Variants in NLRC4 observed in about 807,000 individuals in gnomAD.
NLRC4 encodes NLR family CARD domain containing 4.
A neutral mutation model predicts 79.9 loss-of-function variants in NLRC4; 63 were observed. The observed-to-expected ratio is 0.79, with a 90% CI of 0.64 to 0.97. The LOEUF is 0.97. NLRC4 is among the 50% of genes least tolerant of loss of function. The pLI is 0.00. For synonymous variants in NLRC4, 461 were observed against 456.5 expected (o/e 1.01, Z -0.12); for missense variants, 1,074 against 1,215.2 (o/e 0.88, Z 1.73).
intron 4 of NLRC4, among the ~76,000 whole-genome samples, chr2:32,249,228 G>T (rs571691276): frequency 6.6e-6 from 1 of 152,322 alleles, no homozygotes; most frequent in Admixed American, 6.5e-5. Flanking sequence ...GCTATGTGCA[G>T]CCCACGGACT....
chr2:32,236,181 C>G (rs1686667999), intron 7 of NLRC4, 66 bp downstream of exon 7: 1 of 964,140 alleles, frequency 1.0e-6, no homozygotes, highest in East Asian at 2.5e-5. Context: ...AGGACCCAGG[C>G]TATGTATTTC....
chr2:32,251,281 T>G lies in NLRC4; in HGVS notation c.583A>C (p.Thr195Pro), dbSNP rs148470482. The change falls in exon 4 of 9, where the codon ACC becomes CCC. Residue 195 changes from threonine (T) to proline (P), a missense_variant. Thr to Pro is a conservative substitution (Grantham distance 38, BLOSUM62 -1). Coordinates refer to ENST00000402280, the MANE Select transcript of NLRC4 (RefSeq NM_001199138.2). ...LWGSGKCKALTKFKFVFFLRL... is the reference protein window; with the variant it reads ...LWGSGKCKALPKFKFVFFLRL... ...AGGAAGAAGACGAATTTGAACTTGG[T>G]CAGAGCCTTGCACTTTCCGGAGCCC... 3.5e-5 allele frequency: 57 copies of G among 1,614,016 alleles called. No homozygotes were observed. Among genetic ancestry groups the G allele is most frequent in the Non-Finnish European group, 4.6e-5 (54 of 1,180,034 alleles).
chr2:32,238,182 T>C lies in NLRC4; in HGVS notation c.2471A>G (p.Glu824Gly), dbSNP rs777139826. Reference sequence around the variant, plus strand: ...CAAGCAGCAGGAGACTAATTGAATTTCTTCAAGGTCACAGGGTTCACTTGA... The same window carrying C: ...CAAGCAGCAGGAGACTAATTGAATTCCTTCAAGGTCACAGGGTTCACTTGA... The part of the protein sequence containing the change: ...SLSSEPCDLE[E>G]IQLVSCCLSA... Residue 824 changes from glutamate (E) to glycine (G), a missense_variant, in exon 6 of 9, where the codon GAA becomes GGA. Coordinates refer to ENST00000402280, the MANE Select transcript of NLRC4 (RefSeq NM_001199138.2). The C allele has an allele frequency of 1.2e-6, 2 of 1,613,814 alleles. No individual in the cohort carries two copies. Among genetic ancestry groups the C allele is most frequent in the Non-Finnish European group, 8.5e-7 (1 of 1,179,898 alleles).
chr2:32,258,321 G>C (rs1687258313), intron 1 of NLRC4, among the ~76,000 whole-genome samples: 1 of 152,204 alleles, frequency 6.6e-6, no homozygotes, highest in Non-Finnish European at 1.5e-5. Context: ...TCGACGTCCA[G>C]CCGCTTGTGT....
At chr2:32,240,392 A>G (rs1339684238) in intron 5 of NLRC4, among the ~76,000 whole-genome samples, 1 of 116,478 alleles carries the variant, frequency 8.6e-6, no homozygotes, top group Non-Finnish European at 1.8e-5. Flanking sequence ...AAGTAGGGAA[A>G]AAAAGAGCCA....
intron 6 of NLRC4, 68 bp from the exon 7 acceptor site, chr2:32,236,407 T>C: frequency 1.1e-6 from 1 of 876,212 alleles, no homozygotes; most frequent in Non-Finnish European, 1.6e-6. Context: ...TGAAGTATCC[T>C]TAGAATAATT....
At position 32,238,277 on chromosome 2, in the gene NLRC4, CT is replaced by C; in HGVS notation, c.2375del (p.Lys792ArgfsTer7). The C allele has an allele frequency of 6.2e-7, 1 of 1,610,956 alleles. No homozygotes were observed. Among genetic ancestry groups the C allele is most frequent in the South Asian group, 1.1e-5 (1 of 90,262 alleles). On this transcript the variant is annotated frameshift_variant, in exon 6 of 9. Coordinates refer to ENST00000402280, the MANE Select transcript of NLRC4 (RefSeq NM_001199138.2). LOFTEE classifies it high-confidence loss of function. ...AGTGGGTCAAATGAAATAAACACAT[CT>C]TCTTCAGGTTTTTCAGGCCTTCAGC... ...KLAEGLKNLKKMCLFHLTHLS... is the reference protein window; with the variant it reads ...KLAEGLKNLKXMCLFHLTHLS...
At chr2:32,255,536 A>G (rs551539797) in intron 2 of NLRC4, among the ~76,000 whole-genome samples, 16 of 148,008 alleles carry the variant, frequency 1.1e-4, no homozygotes, top group Non-Finnish European at 2.2e-4. Context: ...AAAAAAAAAA[A>G]AATAAGAAAT....
chr2:32,256,671 A>C, intron 2 of NLRC4, 104 bp downstream of exon 2: 1 of 744,992 alleles, frequency 1.3e-6, no homozygotes, highest in South Asian at 1.4e-5. Context: ...GTAATTCCAC[A>C]TATGACTGGT....
At chr2:32,261,149 CAG>C (rs1308284097) in intron 1 of NLRC4, among the ~76,000 whole-genome samples, 9 of 149,644 alleles carry the variant, frequency 6.0e-5, no homozygotes, top group African/African-American at 1.7e-4. Context: ...GCCGAGATCG[CAG>C]CACTGCACTC....
chr2:32,227,578 A>G (rs1481134839), intron 8 of NLRC4, among the ~76,000 whole-genome samples: 1 of 152,210 alleles, frequency 6.6e-6, no homozygotes, highest in Admixed American at 6.5e-5. Flanking sequence ...CTAGCAGAAC[A>G]TATTTTCACC....
At chr2:32,244,383 C>A (rs938409916) in intron 4 of NLRC4, among the ~76,000 whole-genome samples, 1 of 151,740 alleles carries the variant, frequency 6.6e-6, no homozygotes, top group African/African-American at 2.4e-5. Flanking sequence ...AAAAAAAATT[C>A]TCAGCAACTT....
chr2:32,224,604 C>G lies in NLRC4; in HGVS notation c.2944G>C (p.Ala982Pro), dbSNP rs746330139. 6.2e-7 allele frequency: 1 copy of G among 1,613,848 alleles called. No homozygotes were observed. The highest frequency in any genetic ancestry group is 1.7e-5 in the Admixed American group (1 of 59,996). The change falls in exon 9 of 9, where the codon GCA (alanine) becomes CCA (proline). Residue 982 changes from alanine to proline, a missense_variant. Ala to Pro is a conservative substitution (Grantham distance 27). Coordinates refer to ENST00000402280, the MANE Select transcript of NLRC4 (RefSeq NM_001199138.2). ...ACTTGGCTAAGTTTTCTGACTAATG[C>G]TGGATCAGGTAGAAATTCTTTAGTA... The part of the protein sequence containing the change: ...FSTKEFLPDP[A>P]LVRKLSQVLS...
intron 8 of NLRC4, among the ~76,000 whole-genome samples, chr2:32,228,433 C>T (rs1043416664): frequency 6.6e-6 from 1 of 152,134 alleles, no homozygotes; most frequent in East Asian, 1.9e-4. Flanking sequence ...ACACAGAACT[C>T]CCTATCAACT....
chr2:32,242,654 C>T (rs189883608), intron 4 of NLRC4, among the ~76,000 whole-genome samples: 10 of 152,290 alleles, frequency 6.6e-5, no homozygotes, highest in African/African-American at 2.4e-4. Context: ...ACCAATTCTA[C>T]ACAGTCACTT....
At chr2:32,226,213 AC>A (rs1055583267) in intron 8 of NLRC4, among the ~76,000 whole-genome samples, 4 of 152,190 alleles carry the variant, frequency 2.6e-5, no homozygotes, top group African/African-American at 7.2e-5. Context: ...CTATACCCTT[AC>A]CCACTTTCAG....
At position 32,241,133 on chromosome 2, in the gene NLRC4, A is replaced by G. The variant is rs2148936557; in HGVS notation, c.2258-8T>C. The stretch of plus-strand genomic sequence containing the variant: ...AGCTGTCAGTCAGACCACCTGTCAA[A>G]AGAAAAAAGATTGGACTCTTTCAGC... On this transcript the variant is annotated splice_region_variant and splice_polypyrimidine_tract_variant and intron_variant, in intron 4 of 8. Coordinates refer to ENST00000402280, the MANE Select transcript of NLRC4 (RefSeq NM_001199138.2). 6.4e-7 allele frequency: 1 copy of G among 1,555,108 alleles called. No homozygotes were observed.
At chr2:32,257,594 G>C (rs1687237493) in intron 1 of NLRC4, among the ~76,000 whole-genome samples, 1 of 143,326 alleles carries the variant, frequency 7.0e-6, no homozygotes, top group Non-Finnish European at 1.5e-5. Flanking sequence ...CAGACAGAGC[G>C]AGACTCTGCC....
intron 8 of NLRC4, 61 bp from the exon 9 acceptor site, chr2:32,224,826 T>G: frequency 1.1e-6 from 1 of 931,348 alleles, no homozygotes; most frequent in Non-Finnish European, 1.6e-6. Context: ...AAAAGAGAAA[T>G]AGGTTCTACA....
Sources: allele counts gnomAD v4.1 joint callset (sites outside exome capture counted in the v4.1 genomes callset), GRCh38; gene constraint gnomAD v4.1.1; transcripts MANE v1.5; gene names NCBI Gene and HGNC (gene_info 2026-07-23, HGNC 2026-07-21).